Variants in ANKRD29 observed in about 807,000 individuals in gnomAD.
The protein encoded by ANKRD29 is ankyrin repeat domain-containing protein 29.
Under a neutral mutation model 38.0 loss-of-function variants are expected in ANKRD29, and 32 were observed. The observed-to-expected ratio is 0.84, with a 90% CI of 0.64 to 1.13. The LOEUF is 1.13. ANKRD29 is among the 50% of genes most tolerant of loss of function. The pLI is 0.00. For synonymous variants in ANKRD29, 135 were observed against 152.4 expected (o/e 0.89, Z 0.84); for missense variants, 357 against 377.9 (o/e 0.94, Z 0.46).
chr18:23,660,577 C>T (rs1024924373), intron 1 of ANKRD29, among the ~76,000 whole-genome samples: 22 of 152,068 alleles, frequency 1.4e-4, no homozygotes, highest in Non-Finnish European at 2.4e-4. Flanking sequence ...GAGGCTGAGG[C>T]GGGCGATCAC....
intron 5 of ANKRD29, 102 bp downstream of exon 5, chr18:23,633,949 C>T (rs111971238): frequency 8.7e-7 from 1 of 1,143,512 alleles, no homozygotes; most frequent in African/African-American, 1.5e-5. Flanking sequence ...GTCCTACTGT[C>T]CATTAAAGTA....
chr18:23,650,023 C>T (rs1568048399), intron 1 of ANKRD29, among the ~76,000 whole-genome samples: 1 of 151,380 alleles, frequency 6.6e-6, no homozygotes, highest in Non-Finnish European at 1.5e-5. Context: ...CCACCGTGCC[C>T]GGCCCCTCCA....
At chr18:23,619,656 C>G in intron 6 of ANKRD29, 27 bp from the exon 7 acceptor site, 1 of 1,530,152 alleles carries the variant, frequency 6.5e-7, no homozygotes, top group Non-Finnish European at 8.7e-7. Flanking sequence ...CGGCGGCCGC[C>G]GTGACTGGGG....
intron 1 of ANKRD29, among the ~76,000 whole-genome samples, chr18:23,656,049 C>T (rs1159415058): frequency 7.4e-5 from 11 of 148,090 alleles, no homozygotes; most frequent in Admixed American, 3.4e-4. Context: ...GCCGAGATCC[C>T]GCCACTGCAC....
chr18:23,653,222 G>C (rs1164372871), intron 1 of ANKRD29, among the ~76,000 whole-genome samples: 1 of 152,148 alleles, frequency 6.6e-6, no homozygotes, highest in East Asian at 1.9e-4. Context: ...TTGTTGTTAA[G>C]TAATGTATGA....
intron 1 of ANKRD29, 97 bp downstream of exon 1, chr18:23,662,613 G>GCCCCCCC: frequency 2.5e-6 from 1 of 403,938 alleles, no homozygotes; most frequent in Non-Finnish European, 4.5e-6. Context: ...AGCGGGCAGC[G>GCCCCCCC]CCCACCCCAT....
intron 1 of ANKRD29, among the ~76,000 whole-genome samples, chr18:23,661,750 G>A (rs988070583): frequency 1.6e-4 from 25 of 152,126 alleles, no homozygotes; most frequent in African/African-American, 5.3e-4. Context: ...CGTCTGCTTC[G>A]TTCCATTCTC....
chr18:23,649,145 TTCCTC>T lies in ANKRD29; in HGVS notation c.65_69del (p.Arg22LysfsTer69). On this transcript the variant is annotated frameshift_variant, in exon 2 of 10. Coordinates refer to ENST00000592179, the MANE Select transcript of ANKRD29 (RefSeq NM_173505.4). LOFTEE classifies it high-confidence loss of function. ...AACAGCAGCTTCAGCAGCGCCAGGT[TTCCTC>T]TCCTGGCTGCCCAGAATGCAGCATT... 1.2e-6 allele frequency: 2 copies of T among 1,614,196 alleles called. No homozygotes were observed. Among genetic ancestry groups the T allele is most frequent in the Non-Finnish European group, 1.7e-6 (2 of 1,180,002 alleles).
At chr18:23,655,789 G>A (rs946652370) in intron 1 of ANKRD29, among the ~76,000 whole-genome samples, 2 of 142,208 alleles carry the variant, frequency 1.4e-5, no homozygotes, top group Admixed American at 7.0e-5. Flanking sequence ...TCTGAGTTTC[G>A]TTTTACTTTA....
intron 1 of ANKRD29, among the ~76,000 whole-genome samples, chr18:23,651,133 A>G (rs1397349290): frequency 2.6e-5 from 4 of 152,220 alleles, no homozygotes; most frequent in Admixed American, 6.5e-5. Context: ...TTCATTTCAG[A>G]AGTCCTTCAG....
chr18:23,653,950 T>C (rs1382491629), intron 1 of ANKRD29, among the ~76,000 whole-genome samples: 2 of 151,766 alleles, frequency 1.3e-5, no homozygotes, highest in Non-Finnish European at 2.9e-5. Context: ...TCTTGGCTCA[T>C]CCAAATAACA....
intron 1 of ANKRD29, among the ~76,000 whole-genome samples, chr18:23,655,164 T>G (rs983953514): frequency 1.3e-5 from 2 of 151,670 alleles, no homozygotes; most frequent in African/African-American, 4.9e-5. Flanking sequence ...AATAAAATTT[T>G]AAGCCCCCCC....
chr18:23,646,096 T>A (rs534697963), intron 3 of ANKRD29, 93 bp downstream of exon 3: 2 of 1,169,672 alleles, frequency 1.7e-6, no homozygotes, highest in Admixed American at 2.0e-5. Flanking sequence ...AGAAAAGCAA[T>A]GATGGCTCTT....
At chr18:23,632,811 C>T (rs962038251) in intron 5 of ANKRD29, among the ~76,000 whole-genome samples, 1 of 152,026 alleles carries the variant, frequency 6.6e-6, no homozygotes, top group African/African-American at 2.4e-5. Flanking sequence ...GGTAATGTTG[C>T]AGGCTCAAAG....
intron 1 of ANKRD29, among the ~76,000 whole-genome samples, chr18:23,651,556 C>G (rs955743228): frequency 1.5e-4 from 23 of 152,230 alleles, no homozygotes; most frequent in African/African-American, 5.5e-4. Context: ...CAGGGAACAG[C>G]TCTGCTAGCT....
chr18:23,602,225 T>C (rs1450377173), intron 9 of ANKRD29, among the ~76,000 whole-genome samples: 1 of 151,552 alleles, frequency 6.6e-6, no homozygotes, highest in East Asian at 1.9e-4. Flanking sequence ...TTAGTAGAGA[T>C]GGGGTTTCGC....
rs751621804 is a variant in ANKRD29, at chr18:23,634,064, T to G, written c.416A>C (p.His139Pro). The G allele has an allele frequency of 3.1e-6, 5 of 1,614,188 alleles. No individual in the cohort carries two copies. The South Asian group carries it at 5.5e-5, about 18-fold the overall frequency. ...AAATGCACTCACATAAAGTTGGTCATGGATGTTTGCTCCGTGCTTCAGCAA... is the reference window on the plus strand; with the variant it reads ...AAATGCACTCACATAAAGTTGGTCAGGGATGTTTGCTCCGTGCTTCAGCAA... ...ETLLKHGANI[H>P]DQLYDGATAL... The change falls in exon 5 of 10, where the codon CAT becomes CCT. Residue 139 changes from histidine (H) to proline (P), a missense_variant. Coordinates refer to ENST00000592179, the MANE Select transcript of ANKRD29 (RefSeq NM_173505.4).
chr18:23,629,939 C>G lies in ANKRD29; in HGVS notation c.442G>C (p.Ala148Pro). The change falls in exon 6 of 10, where the codon GCC (alanine) becomes CCC (proline). Residue 148 changes from alanine to proline, a missense_variant. Coordinates refer to ENST00000592179, the MANE Select transcript of ANKRD29 (RefSeq NM_173505.4). ...CCACCTTGGGCAGCTAGGAAGAGGG[C>G]AGTGGCTCCATCCTGAGAGAGAACA... ...IHDQLYDGAT[A>P]LFLAAQGGYL... is the part of the protein sequence containing the mutation. The G allele has an allele frequency of 6.2e-7, 1 of 1,613,790 alleles. No individual in the cohort carries two copies. Among genetic ancestry groups the G allele is most frequent in the Non-Finnish European group, 8.5e-7 (1 of 1,179,718 alleles).
chr18:23,636,342 G>A (rs1392713339), intron 4 of ANKRD29, among the ~76,000 whole-genome samples: 2 of 152,056 alleles, frequency 1.3e-5, no homozygotes, highest in Non-Finnish European at 2.9e-5. Flanking sequence ...GTCTTGCTAT[G>A]TGGCCCAAGC....
Sources: allele counts gnomAD v4.1 joint callset (sites outside exome capture counted in the v4.1 genomes callset), GRCh38; gene constraint gnomAD v4.1.1; transcripts MANE v1.5; gene names NCBI Gene and HGNC (gene_info 2026-07-23, HGNC 2026-07-21).